Variants in PLXNA4 observed in about 807,000 individuals in gnomAD.
PLXNA4 encodes plexin A4, also known as plexin-A4.
A neutral mutation model predicts 191.8 loss-of-function variants in PLXNA4; 44 were observed. That is an observed-to-expected ratio of 0.23 (90% confidence interval 0.18 to 0.29). The LOEUF (loss-of-function observed/expected upper bound fraction) is 0.29, where lower values mean the gene tolerates loss of function less well. Ranked by LOEUF, PLXNA4 falls within the 10% of genes least tolerant of loss-of-function variation. The probability of loss-of-function intolerance (pLI) is 1.00; values close to 1 mark genes in which losing one functional copy is unlikely to be tolerated. For synonymous variants in PLXNA4, 1,082 were observed against 1,009.5 expected (o/e 1.07, Z -1.36); for missense variants, 1,800 against 2,488.8 (o/e 0.72, Z 5.89).
chr7:132,172,274 C>A (rs185202021), intron 21 of PLXNA4, among the ~76,000 whole-genome samples: 1 of 152,308 alleles, frequency 6.6e-6, no homozygotes, highest in East Asian at 1.9e-4. Context: ...AGTTTAGGAG[C>A]CAATGATAGA....
intron 7 of PLXNA4, among the ~76,000 whole-genome samples, chr7:132,226,848 C>T (rs2116974120): frequency 6.6e-6 from 1 of 152,332 alleles, no homozygotes; most frequent in South Asian, 2.1e-4. Flanking sequence ...TTTGCCTTCC[C>T]TGAGAGCCTC....
At chr7:132,568,265 T>C (rs555255082) in intron 1 of PLXNA4, among the ~76,000 whole-genome samples, 3 of 152,262 alleles carry the variant, frequency 2.0e-5, no homozygotes, top group African/African-American at 4.8e-5. Context: ...ATCCCTGAAA[T>C]AGTCACACAC....
intron 3 of PLXNA4, among the ~76,000 whole-genome samples, chr7:132,477,272 C>T (rs1015266516): frequency 2.0e-5 from 3 of 152,222 alleles, no homozygotes; most frequent in Non-Finnish European, 4.4e-5. Context: ...AGCCCCCTCC[C>T]CAGGCTCCAG....
At chr7:132,481,198 A>G (rs1797320571) in intron 3 of PLXNA4, among the ~76,000 whole-genome samples, 1 of 152,082 alleles carries the variant, frequency 6.6e-6, no homozygotes. Context: ...AAGATGGATT[A>G]AAGAGGGGAA....
At chr7:132,457,059 T>A (rs1044426368) in intron 3 of PLXNA4, among the ~76,000 whole-genome samples, 1 of 152,248 alleles carries the variant, frequency 6.6e-6, no homozygotes, top group Admixed American at 6.5e-5. Context: ...TTTTTAACTT[T>A]CTATTTTAAA....
In PLXNA4 at chr7:132,208,495, C is replaced by T. The variant is rs11973637; in HGVS notation, c.2298+2448G>A. On this transcript the variant is annotated intron_variant, in intron 10 of 31. Transcript: ENST00000321063. ...AGCTCTGAACTCCAGAGGGCCAGAG[C>T]GCAGCAGGAGCCCTCCTCAGGTCCT... Among the ~76,000 whole-genome samples, 373 of 152,236 alleles carry T rather than the reference C, an allele frequency of 2.5e-3. 2 individuals are homozygous for T. The highest frequency in any genetic ancestry group is 7.8e-3 in the African/African-American group (326 of 41,530).
chr7:132,267,020 A>G (rs755117729), intron 4 of PLXNA4, among the ~76,000 whole-genome samples: 3 of 152,198 alleles, frequency 2.0e-5, no homozygotes, highest in Non-Finnish European at 2.9e-5. Flanking sequence ...CAGAGGTTCC[A>G]GTTGAGACCT....
chr7:132,365,560 A>G (rs1277635612), intron 3 of PLXNA4, among the ~76,000 whole-genome samples: 4 of 152,122 alleles, frequency 2.6e-5, no homozygotes, highest in African/African-American at 9.7e-5. Context: ...TCATTCCGGA[A>G]CTGTGGCTGA....
chr7:132,330,269 G>A (rs1181855548), intron 3 of PLXNA4, among the ~76,000 whole-genome samples: 1 of 152,200 alleles, frequency 6.6e-6, no homozygotes, highest in Non-Finnish European at 1.5e-5. Context: ...TGAAGCTGGA[G>A]GGAGAGTCCC....
chr7:132,211,286 C>G, intron 9 of PLXNA4, 143 bp from the exon 10 acceptor site: 6 of 794,400 alleles, frequency 7.6e-6, no homozygotes, highest in South Asian at 1.8e-5. Context: ...CGTGCCCACC[C>G]AGTGGGCAAT....
chr7:132,527,539 CAAAAAAAAAAAA>C (rs34598256), intron 1 of PLXNA4, among the ~76,000 whole-genome samples: 10 of 59,718 alleles, frequency 1.7e-4, no homozygotes, highest in Admixed American at 4.4e-4. Context: ...GAAACAGACT[CAAAAAAAAAAAA>C]AAAAAAAAAA....
chr7:132,497,688 A>T (rs777937929), intron 2 of PLXNA4, among the ~76,000 whole-genome samples: 14 of 152,176 alleles, frequency 9.2e-5, no homozygotes, highest in Non-Finnish European at 1.9e-4. Context: ...GACACGTGAC[A>T]TTGAGACACA....
intron 3 of PLXNA4, among the ~76,000 whole-genome samples, chr7:132,432,737 G>C (rs992869779): frequency 2.0e-5 from 3 of 152,054 alleles, no homozygotes; most frequent in African/African-American, 7.2e-5. Flanking sequence ...TTGAATAAAA[G>C]TGAAAAAAAT....
chr7:132,151,275 GA>G (rs1795593703), intron 25 of PLXNA4, among the ~76,000 whole-genome samples: 1 of 102,140 alleles, frequency 9.8e-6, no homozygotes, highest in African/African-American at 3.1e-5. Context: ...GGAGGAAGAA[GA>G]AGGAGGAGGA....
chr7:132,154,516 A>G (rs190882069), intron 25 of PLXNA4, among the ~76,000 whole-genome samples: 57 of 152,126 alleles, frequency 3.7e-4, no homozygotes, highest in Admixed American at 3.4e-3. Context: ...AAGGTACTAG[A>G]TCTTTGTAAA....
chr7:132,132,472 G>A (rs200362747), intron 31 of PLXNA4, among the ~76,000 whole-genome samples: 1,748 of 50,656 alleles, frequency 0.035, 135 homozygotes, highest in Non-Finnish European at 0.039. Flanking sequence ...GTTCTGCTCT[G>A]CTCTGCTCTG....
At chr7:132,142,129 C>T (rs1244309785) in intron 29 of PLXNA4, among the ~76,000 whole-genome samples, 1 of 152,188 alleles carries the variant, frequency 6.6e-6, no homozygotes, top group Non-Finnish European at 1.5e-5. Flanking sequence ...GAAAAGTGTG[C>T]CCTGCAGTCT....
chr7:132,564,111 CCTCCTCCTCTTCTTT>C (rs1801584349), intron 1 of PLXNA4, among the ~76,000 whole-genome samples: 2 of 135,108 alleles, frequency 1.5e-5, no homozygotes, highest in Non-Finnish European at 3.2e-5. Context: ...TCCTCCTTCT[CCTCCTCCTCTTCTTT>C]CTCCTCCTCC....
chr7:132,562,614 C>T (rs1163808885), intron 1 of PLXNA4, among the ~76,000 whole-genome samples: 5 of 122,392 alleles, frequency 4.1e-5, no homozygotes, highest in African/African-American at 3.4e-5. Context: ...CCTCCTTCTC[C>T]TCCTCTTCCT....
Sources: allele counts gnomAD v4.1 joint callset (sites outside exome capture counted in the v4.1 genomes callset), GRCh38; gene constraint gnomAD v4.1.1; transcripts MANE v1.5; gene names NCBI Gene and HGNC (gene_info 2026-07-23, HGNC 2026-07-21).